Variants in WDR25 observed in about 807,000 individuals in gnomAD.
The protein encoded by WDR25 is WD repeat-containing protein 25.
WDR25 carries 35 observed loss-of-function variants against 47.7 expected under a neutral mutation model. That is an observed-to-expected ratio of 0.73 (90% CI 0.56 to 0.97). The LOEUF (loss-of-function observed/expected upper bound fraction) is 0.97, where lower values mean the gene tolerates loss of function less well. Ranked by LOEUF, WDR25 falls within the 50% of genes least tolerant of loss-of-function variation. The pLI, the probability that WDR25 is intolerant of heterozygous loss-of-function variation, is 0.00. For synonymous variants in WDR25, 248 were observed against 278.9 expected, an observed-to-expected ratio of 0.89 and a Z score of 1.10; for missense variants, 634 against 704.7, an observed-to-expected ratio of 0.90 and a Z score of 1.14.
chr14:100,482,866 G>A (rs766629606), intron 3 of WDR25, among the ~76,000 whole-genome samples: 1 of 152,186 alleles, frequency 6.6e-6, no homozygotes, highest in Non-Finnish European at 1.5e-5. Flanking sequence ...TCAGTCCCAT[G>A]GGGGAGTTTC....
At chr14:100,387,043 GCTGTGTGA>G (rs1245070267) in intron 2 of WDR25, among the ~76,000 whole-genome samples, 3 of 151,710 alleles carry the variant, frequency 2.0e-5, no homozygotes, top group Non-Finnish European at 4.4e-5. Flanking sequence ...CTGCTTGGTA[GCTGTGTGA>G]CTTTGGGAAA....
chr14:100,423,789 C>T (rs1595523839), intron 2 of WDR25, among the ~76,000 whole-genome samples: 3 of 152,102 alleles, frequency 2.0e-5, no homozygotes, highest in African/African-American at 7.2e-5. Flanking sequence ...GCCTGTGCTG[C>T]GGAAATGAGA....
chr14:100,529,570 TGAGGCC>T lies in WDR25; in HGVS notation c.1414-249_1414-244del. 1 of 597,888 alleles carries T rather than the reference TGAGGCC, an allele frequency of 1.7e-6. No individual in the cohort carries two copies. Among genetic ancestry groups the T allele is most frequent in the South Asian group, 2.0e-5 (1 of 48,902 alleles). The allele number at this position is 597,888 out of a possible 1,614,324, so 37.0% of individuals were successfully genotyped here. ...GGGCTGGGTGCTTAGTGACTGTCAC[TGAGGCC>T]AGACCCCTCAGCTGGGCTGGAGCTG... On this transcript the variant is annotated intron_variant, in intron 6 of 6. Transcript: ENST00000402312. The surrounding 1 kb of genome is among the most constrained non-coding windows in gnomAD (Gnocchi z 5.1).
chr14:100,406,749 C>T (rs1897549676), intron 2 of WDR25: 1 of 152,298 alleles, frequency 6.6e-6, no homozygotes, highest in African/African-American at 2.4e-5. Flanking sequence ...CCCTGCACTT[C>T]CTGCCTGACA....
At chr14:100,400,498 A>T (rs1349039816) in intron 2 of WDR25, among the ~76,000 whole-genome samples, 1 of 152,234 alleles carries the variant, frequency 6.6e-6, no homozygotes, top group Non-Finnish European at 1.5e-5. Flanking sequence ...TTCATGGATT[A>T]TATTTAAGTT....
chr14:100,409,919 T>C (rs907767024), intron 2 of WDR25, among the ~76,000 whole-genome samples: 7 of 152,246 alleles, frequency 4.6e-5, no homozygotes, highest in African/African-American at 1.7e-4. Flanking sequence ...ATACTTAGTT[T>C]ATTAGATTTT....
intron 4 of WDR25, chr14:100,504,609 GT>G (rs1473103987): frequency 6.6e-6 from 1 of 152,188 alleles, no homozygotes; most frequent in Non-Finnish European, 1.5e-5. Context: ...ACCGCAGTTT[GT>G]TTATCCAGTC....
At chr14:100,459,939 T>TATATAC (rs1491515673) in intron 2 of WDR25, among the ~76,000 whole-genome samples, 4 of 84,890 alleles carry the variant, frequency 4.7e-5, no homozygotes, top group East Asian at 2.9e-4. Context: ...TATATATATA[T>TATATAC]ACACATACAC....
At chr14:100,401,023 AT>A (rs1897365853) in intron 2 of WDR25, among the ~76,000 whole-genome samples, 1 of 152,286 alleles carries the variant, frequency 6.6e-6, no homozygotes, top group Non-Finnish European at 1.5e-5. Context: ...AGAAAGATGT[AT>A]GGTAATGAAT....
At chr14:100,386,869 G>A (rs1897031680) in intron 2 of WDR25, among the ~76,000 whole-genome samples, 1 of 151,978 alleles carries the variant, frequency 6.6e-6, no homozygotes, top group Admixed American at 6.6e-5. Context: ...CTCCAGCCTG[G>A]GTGAAAGAGC....
At chr14:100,483,901 T>C in intron 3 of WDR25, 93 bp from the exon 4 acceptor site, 2 of 1,454,188 alleles carry the variant, frequency 1.4e-6, no homozygotes, top group Non-Finnish European at 1.8e-6. Context: ...CTGTGTTTGC[T>C]ATGAGCCCCA....
chr14:100,381,601 A>G lies in WDR25; in HGVS notation c.677A>G (p.Asn226Ser). 1 of 1,609,282 alleles carries G rather than the reference A, an allele frequency of 6.2e-7. No individual in the cohort carries two copies. Among genetic ancestry groups the G allele is most frequent in the Non-Finnish European group, 8.5e-7 (1 of 1,176,350 alleles). The part of the protein sequence containing the change: ...GVSEFIQPYL[N>S]SHYKETTVPR... The stretch of plus-strand genomic sequence containing the variant: ...TCTGAGTTTATTCAGCCATATTTGA[A>G]TAGCCATTATAAAGAAACCACAGTT... The change falls in exon 2 of 7, where the codon AAT (asparagine) becomes AGT (serine). Residue 226 changes from asparagine to serine, a missense_variant. Coordinates refer to ENST00000402312, the MANE Select transcript of WDR25 (RefSeq NM_001161476.3).
chr14:100,426,679 T>G (rs1328508992), intron 2 of WDR25, among the ~76,000 whole-genome samples: 1 of 152,182 alleles, frequency 6.6e-6, no homozygotes, highest in Admixed American at 6.5e-5. Context: ...GGAGCAAGTT[T>G]CCTGGTCCCA....
At chr14:100,421,610 C>T (rs1898028965) in intron 2 of WDR25, among the ~76,000 whole-genome samples, 1 of 152,182 alleles carries the variant, frequency 6.6e-6, no homozygotes, top group Admixed American at 6.5e-5. Flanking sequence ...CGTATTTATA[C>T]TGGGTACCTC....
chr14:100,379,699 T>C (rs934185940), intron 1 of WDR25, among the ~76,000 whole-genome samples: 2 of 151,812 alleles, frequency 1.3e-5, no homozygotes, highest in Non-Finnish European at 2.9e-5. Context: ...AGGTCTTCTT[T>C]TATGTCCTTC....
At chr14:100,513,830 G>T (rs1198316138) in intron 4 of WDR25, among the ~76,000 whole-genome samples, 1 of 150,106 alleles carries the variant, frequency 6.7e-6, no homozygotes, top group East Asian at 2.0e-4. Flanking sequence ...GCCCAGCCAT[G>T]AAAAGACCCT....
chr14:100,442,506 A>T (rs1358827105), intron 2 of WDR25, among the ~76,000 whole-genome samples: 1 of 152,216 alleles, frequency 6.6e-6, no homozygotes, highest in Non-Finnish European at 1.5e-5. Context: ...ACAAAACCAG[A>T]TCAGAACCCT....
At chr14:100,482,619 T>G (rs946899022) in intron 3 of WDR25, among the ~76,000 whole-genome samples, 6 of 151,676 alleles carry the variant, frequency 4.0e-5, no homozygotes, top group Admixed American at 3.9e-4. Context: ...GGGACTGTCA[T>G]GAGTACTCAT....
At chr14:100,457,395 C>A (rs552180259) in intron 2 of WDR25, among the ~76,000 whole-genome samples, 1 of 152,348 alleles carries the variant, frequency 6.6e-6, no homozygotes, top group Non-Finnish European at 1.5e-5. Flanking sequence ...GACAGTGGAA[C>A]ACCGTTTGAA....
Sources: allele counts gnomAD v4.1 joint callset (sites outside exome capture counted in the v4.1 genomes callset), GRCh38; gene constraint gnomAD v4.1.1; non-coding constraint Gnocchi (gnomAD v3.1); transcripts MANE v1.5; gene names NCBI Gene and HGNC (gene_info 2026-07-23, HGNC 2026-07-21).